The following SPATA6 variants were observed in gnomAD, a reference collection of about 807,000 sequenced individuals.
SPATA6 encodes spermatogenesis-associated protein 6.
In SPATA6, 56 loss-of-function variants were observed where a neutral mutation model predicts 65.3. The ratio of observed to expected loss-of-function variants is 0.86; its 90% CI spans 0.69 to 1.07. The LOEUF (loss-of-function observed/expected upper bound fraction) is 1.07, where lower values mean the gene tolerates loss of function less well. Among genes scored for constraint, SPATA6 ranks in the 50% least tolerant of loss-of-function variants. SPATA6 has a pLI of 0.00. For missense variants in SPATA6, 590 were observed against 594.8 expected (o/e 0.99, Z 0.08); for synonymous variants, 199 against 213.2 (o/e 0.93, Z 0.58).
chr1:48,325,664 A>G (rs879625702), intron 11 of SPATA6: 45 of 624,806 alleles, frequency 7.2e-5, no homozygotes, highest in Non-Finnish European at 1.2e-4. Flanking sequence ...TGGAAGCCCC[A>G]GTAAGCCCCT....
intron 3 of SPATA6, chr1:48,435,959 G>C: frequency 3.8e-6 from 6 of 1,593,994 alleles, no homozygotes; most frequent in Middle Eastern, 2.3e-4. Flanking sequence ...GTGAACTAAA[G>C]TGATTCAATG....
At chr1:48,307,327 G>T (rs973704559) in intron 11 of SPATA6, among the ~76,000 whole-genome samples, 74 of 148,618 alleles carry the variant, frequency 5.0e-4, no homozygotes, top group Non-Finnish European at 9.1e-4. Context: ...CAAATTTTCA[G>T]ACTATATTTT....
intron 1 of SPATA6, among the ~76,000 whole-genome samples, chr1:48,465,539 C>T (rs1557739550): frequency 6.6e-6 from 1 of 152,222 alleles, no homozygotes; most frequent in East Asian, 1.9e-4. Flanking sequence ...CTTACCTATA[C>T]ATATAACTAA....
chr1:48,295,001 T>C (rs1180603673), downstream of SPATA6, among the ~76,000 whole-genome samples: 3 of 152,228 alleles, frequency 2.0e-5, no homozygotes, highest in Non-Finnish European at 4.4e-5. Flanking sequence ...AATACACTTT[T>C]TGTTTTCATA....
intron 3 of SPATA6, among the ~76,000 whole-genome samples, chr1:48,434,887 T>C (rs1419595285): frequency 1.3e-5 from 2 of 152,102 alleles, no homozygotes; most frequent in South Asian, 2.1e-4. Context: ...TTAAAACCAT[T>C]TCCTTGAAGA....
intron 8 of SPATA6, among the ~76,000 whole-genome samples, chr1:48,391,654 G>A (rs1650085761): frequency 6.6e-6 from 1 of 152,020 alleles, no homozygotes; most frequent in African/African-American, 2.4e-5. Flanking sequence ...TATTTCAAAT[G>A]TAAGAAATCA....
chr1:48,439,503 G>T (rs1335759844), intron 3 of SPATA6, among the ~76,000 whole-genome samples: 1 of 151,990 alleles, frequency 6.6e-6, no homozygotes, highest in Admixed American at 6.6e-5. Flanking sequence ...GCATCAGTGA[G>T]TGCAACTAGT....
At chr1:48,452,110 C>T (rs1487290545) in intron 2 of SPATA6, among the ~76,000 whole-genome samples, 1 of 152,064 alleles carries the variant, frequency 6.6e-6, no homozygotes, top group Non-Finnish European at 1.5e-5. Context: ...TTGTCTGTTT[C>T]CCCCATTACA....
intron 3 of SPATA6, among the ~76,000 whole-genome samples, chr1:48,414,624 C>G (rs186065815): frequency 4.6e-5 from 7 of 152,234 alleles, no homozygotes; most frequent in Middle Eastern, 3.4e-3. Context: ...ATCAGAAGCA[C>G]CGGTGAAGGT....
chr1:48,442,465 G>A (rs1470590696), intron 3 of SPATA6, among the ~76,000 whole-genome samples: 2 of 151,956 alleles, frequency 1.3e-5, no homozygotes, highest in Non-Finnish European at 2.9e-5. Flanking sequence ...AAAAGGGAAG[G>A]AGAGAGGAGA....
intron 6 of SPATA6, among the ~76,000 whole-genome samples, chr1:48,400,074 T>C (rs1361964459): frequency 6.6e-6 from 1 of 151,922 alleles, no homozygotes; most frequent in East Asian, 1.9e-4. Flanking sequence ...GATTACAAAA[T>C]CTTTAAAGAT....
intron 10 of SPATA6, among the ~76,000 whole-genome samples, chr1:48,359,320 T>A (rs2148816141): frequency 6.6e-6 from 1 of 152,272 alleles, no homozygotes; most frequent in African/African-American, 2.4e-5. Flanking sequence ...AACACATATA[T>A]TACTTTTCAC....
downstream of SPATA6, among the ~76,000 whole-genome samples, chr1:48,292,761 G>T (rs1332203553): frequency 6.6e-6 from 1 of 152,274 alleles, no homozygotes; most frequent in Non-Finnish European, 1.5e-5. Flanking sequence ...TTAACAGCCA[G>T]GGCCAGTTGT....
chr1:48,452,069 A>G (rs145997794), intron 2 of SPATA6, among the ~76,000 whole-genome samples: 77 of 152,184 alleles, frequency 5.1e-4, no homozygotes, highest in African/African-American at 1.8e-3. Flanking sequence ...ACTTACCACT[A>G]TCTAAAATTA....
chr1:48,411,476 A>T lies in SPATA6; in HGVS notation c.393T>A (p.Ile131=). 1 of 1,607,494 alleles carries T rather than the reference A, an allele frequency of 6.2e-7. No individual in the cohort carries two copies. Among genetic ancestry groups the T allele is most frequent in the Non-Finnish European group, 8.5e-7 (1 of 1,177,270 alleles). Residue 131 remains isoleucine, a synonymous_variant, in exon 5 of 13, where the codon ATT becomes ATA. Transcript: ENST00000371847. ...DSNRQVTMRR[I]SGLRGNAPRL... ...TGCAAGCACTTACTCGAAGGCCAGAAATCCTCCTCATGGTAACCTGGCGGT... is the reference window on the plus strand; with the variant it reads ...TGCAAGCACTTACTCGAAGGCCAGATATCCTCCTCATGGTAACCTGGCGGT...
intron 11 of SPATA6, among the ~76,000 whole-genome samples, chr1:48,322,775 C>G (rs1570113866): frequency 6.6e-6 from 1 of 152,334 alleles, no homozygotes; most frequent in East Asian, 1.9e-4. Context: ...TGAACAGACA[C>G]TTCTCAAAAG....
the SPATA6 span, among the ~76,000 whole-genome samples, chr1:48,279,574 A>G: frequency 3.3e-4 from 51 of 152,342 alleles, no homozygotes; most frequent in African/African-American, 1.2e-3. Flanking sequence ...AAAGATAAAA[A>G]GAGACAAAGA....
At chr1:48,275,706 G>C in the SPATA6 span, among the ~76,000 whole-genome samples, 161 of 152,216 alleles carry the variant, frequency 1.1e-3, 2 homozygotes, top group Non-Finnish European at 1.5e-4. Context: ...TGCATATATT[G>C]AAGGCAACTT....
chr1:48,440,555 G>T (rs758047518), intron 3 of SPATA6, among the ~76,000 whole-genome samples: 5 of 152,128 alleles, frequency 3.3e-5, no homozygotes, highest in African/African-American at 4.8e-5. Context: ...CCGATCATGG[G>T]GACTGCAATC....
Sources: allele counts gnomAD v4.1 joint callset (sites outside exome capture counted in the v4.1 genomes callset), GRCh38; gene constraint gnomAD v4.1.1; transcripts MANE v1.5; gene names NCBI Gene and HGNC (gene_info 2026-07-23, HGNC 2026-07-21).